Variants in HELZ observed in about 807,000 individuals in gnomAD.
The protein encoded by HELZ is ATP-dependent RNA helicase with zinc finger domain.
A neutral mutation model predicts 218.2 loss-of-function variants in HELZ; 23 were observed. That is an observed-to-expected ratio of 0.11 (90% confidence interval 0.08 to 0.15). The LOEUF is 0.15. HELZ is among the 10% of genes least tolerant of loss of function. HELZ has a pLI of 1.00. For synonymous variants in HELZ, 814 were observed against 829.4 expected (o/e 0.98, Z 0.32); for missense variants, 1,813 against 2,353.7 (o/e 0.77, Z 4.75).
At position 67,108,448 on chromosome 17, in the gene HELZ, G is replaced by A. The variant is rs2037174642; in HGVS notation, c.4724+44C>T. The A allele has an allele frequency of 7.0e-7, 1 of 1,422,668 alleles. No individual in the cohort carries two copies. The highest frequency in any genetic ancestry group is 9.9e-7 in the Non-Finnish European group (1 of 1,009,698). 88.1% of individuals were successfully genotyped at this position (1,422,668 alleles called of 1,614,324 possible). A position where few individuals can be genotyped will look rare whatever the true frequency, so the allele number is the denominator to read the frequency against. On this transcript the variant is annotated intron_variant, in intron 30 of 32. Transcript: ENST00000358691. This position sits in a 1 kb window ranked among gnomAD's most constrained non-coding sequence, Gnocchi z 4.1. ...GACTACAGTCAAAAAAGAGAACAGT[G>A]AGGGGGTCGCATTCCAGGGGCTATT...
At chr17:67,234,271 C>T (rs1440492703) in intron 3 of HELZ, among the ~76,000 whole-genome samples, 5 of 137,548 alleles carry the variant, frequency 3.6e-5, no homozygotes, top group Admixed American at 8.1e-5. Flanking sequence ...TACAAAGAGC[C>T]GAGATGGAGC....
chr17:67,134,257 T>C (rs1038880601), intron 23 of HELZ, among the ~76,000 whole-genome samples: 6 of 152,008 alleles, frequency 3.9e-5, no homozygotes, highest in Non-Finnish European at 7.4e-5. Flanking sequence ...TGGTGGCGCA[T>C]GCCTGTAATC....
intron 12 of HELZ, among the ~76,000 whole-genome samples, chr17:67,186,296 G>A (rs753530434): frequency 7.9e-5 from 12 of 152,040 alleles, no homozygotes; most frequent in Non-Finnish European, 1.6e-4. Context: ...GATGTCGTAC[G>A]AGGCTTCAGG....
chr17:67,218,730 G>A lies in HELZ; in HGVS notation c.75C>T (p.Ala25=). Residue 25 remains alanine (A), a synonymous_variant, in exon 4 of 33, where the codon GCC becomes GCT. Transcript: ENST00000358691. ...GAAGGGCCTCTGTGCAGTGCTTGAGGGCCATTTCATAGTCCTGCCTCTTAA... is the reference window on the plus strand; with the variant it reads ...GAAGGGCCTCTGTGCAGTGCTTGAGAGCCATTTCATAGTCCTGCCTCTTAA... ...ESLKRQDYEM[A]LKHCTEALLS... The A allele has an allele frequency of 3.1e-6, 5 of 1,614,112 alleles. No individual in the cohort carries two copies. The highest frequency in any genetic ancestry group is 2.2e-5 in the East Asian group (1 of 44,880).
At chr17:67,191,474 G>T (rs1839696434) in intron 9 of HELZ, among the ~76,000 whole-genome samples, 1 of 151,436 alleles carries the variant, frequency 6.6e-6, no homozygotes, top group African/African-American at 2.4e-5. Flanking sequence ...TTTTTTTGGA[G>T]ATAGTCTCGC....
chr17:67,175,373 A>T (rs893149207), intron 13 of HELZ, among the ~76,000 whole-genome samples: 1 of 152,166 alleles, frequency 6.6e-6, no homozygotes, highest in Non-Finnish European at 1.5e-5. Flanking sequence ...CTCCCCCAAA[A>T]TTTTCAAAAA....
At chr17:67,086,615 A>AATAAATATAAAT (rs937505131) in intron 32 of HELZ, among the ~76,000 whole-genome samples, 8 of 100,190 alleles carry the variant, frequency 8.0e-5, no homozygotes, top group African/African-American at 2.6e-4. Context: ...TATATATATA[A>AATAAATATAAAT]ATAAATATAA....
intron 32 of HELZ, 70 bp from the exon 33 acceptor site, chr17:67,078,656 G>T (rs1738467305): frequency 2.6e-6 from 3 of 1,136,140 alleles, no homozygotes; most frequent in Admixed American, 5.5e-5. Flanking sequence ...CATTCACTCA[G>T]TGTGTCAGAA....
intron 26 of HELZ, among the ~76,000 whole-genome samples, chr17:67,122,625 T>C (rs899908211): frequency 5.3e-5 from 8 of 151,832 alleles, no homozygotes; most frequent in Admixed American, 4.6e-4. Flanking sequence ...GGAGAATCGC[T>C]TGAACCCAGG....
intron 4 of HELZ, among the ~76,000 whole-genome samples, chr17:67,217,869 T>G (rs1388373527): frequency 6.6e-6 from 1 of 152,006 alleles, no homozygotes; most frequent in Non-Finnish European, 1.5e-5. Flanking sequence ...CCTTTTTTCA[T>G]GCGGTTACTA....
intron 13 of HELZ, among the ~76,000 whole-genome samples, chr17:67,172,490 A>AT (rs11462746): frequency 0.6 from 91,398 of 152,068 alleles, 28,775 homozygotes; most frequent in East Asian, 0.88. Context: ...TAATAATCTG[A>AT]TTTTTCCCAA....
intron 3 of HELZ, among the ~76,000 whole-genome samples, chr17:67,237,954 C>A (rs753656215): frequency 2.0e-5 from 3 of 149,646 alleles, no homozygotes; most frequent in African/African-American, 7.4e-5. Context: ...CCCCATTGCA[C>A]TCCAGCCTGG....
chr17:67,080,538 G>A (rs1010767782), intron 32 of HELZ, among the ~76,000 whole-genome samples: 2 of 152,116 alleles, frequency 1.3e-5, no homozygotes, highest in Non-Finnish European at 1.5e-5. Context: ...TCTGGAATTT[G>A]CCCATTTACC....
At chr17:67,121,969 A>ATTCATTAGC (rs2037623944) in intron 26 of HELZ, among the ~76,000 whole-genome samples, 1 of 152,236 alleles carries the variant, frequency 6.6e-6, no homozygotes, top group African/African-American at 2.4e-5. Flanking sequence ...AATGAGACCA[A>ATTCATTAGC]TTCATTAGCT....
Position 67,188,228 on chromosome 17 carries a change from C to G in HELZ, c.1162+91G>C. The G allele has an allele frequency of 8.3e-7, 1 of 1,208,268 alleles. No individual in the cohort carries two copies. The highest frequency in any genetic ancestry group is 1.2e-6 in the Non-Finnish European group (1 of 854,828). The allele number at this position is 1,208,268 out of a possible 1,614,324, so 74.8% of individuals were successfully genotyped here. A position where few individuals can be genotyped will look rare whatever the true frequency, so the allele number is the denominator to read the frequency against. On this transcript the variant is annotated intron_variant, in intron 12 of 32. Coordinates refer to ENST00000358691, the MANE Select transcript of HELZ (RefSeq NM_014877.4). This position sits in a 1 kb window ranked among gnomAD's most constrained non-coding sequence, Gnocchi z 4.1. ...TTTTTTTCTTTATTACTATTCTCTT[C>G]CTATCCATGGAATATATTCAGGGGC...
At chr17:67,172,490 A>G (rs2039341448) in intron 13 of HELZ, among the ~76,000 whole-genome samples, 1 of 152,010 alleles carries the variant, frequency 6.6e-6, no homozygotes, top group South Asian at 2.1e-4. Context: ...TAATAATCTG[A>G]TTTTTCCCAA....
chr17:67,093,737 C>G (rs1426992185), intron 31 of HELZ, among the ~76,000 whole-genome samples: 1 of 152,166 alleles, frequency 6.6e-6, no homozygotes, highest in East Asian at 1.9e-4. Context: ...CACTGCTACC[C>G]CACAGTCCAA....
chr17:67,244,143 T>A, intron 1 of HELZ: 1 of 313,304 alleles, frequency 3.2e-6, no homozygotes, highest in Non-Finnish European at 4.5e-6. Context: ...GAAATTTCAT[T>A]AATATGAGTT....
At chr17:67,197,722 T>C (rs963079344) in intron 7 of HELZ, among the ~76,000 whole-genome samples, 6 of 152,226 alleles carry the variant, frequency 3.9e-5, no homozygotes, top group African/African-American at 1.4e-4. Flanking sequence ...TAACGGGTCA[T>C]AACTGAAACA....
Sources: allele counts gnomAD v4.1 joint callset (sites outside exome capture counted in the v4.1 genomes callset), GRCh38; gene constraint gnomAD v4.1.1; non-coding constraint Gnocchi (gnomAD v3.1); transcripts MANE v1.5; gene names NCBI Gene and HGNC (gene_info 2026-07-23, HGNC 2026-07-21).